Variants in ACTR3B observed in about 807,000 individuals in gnomAD.
ACTR3B encodes actin related protein 3B, also known as actin-related protein 3B.
Under a neutral mutation model 59.0 loss-of-function variants are expected in ACTR3B, and 8 were observed. That is an observed-to-expected ratio of 0.14 (90% CI 0.08 to 0.24). The LOEUF (loss-of-function observed/expected upper bound fraction) is 0.24, where lower values mean the gene tolerates loss of function less well. ACTR3B is among the 10% of genes least tolerant of loss of function. ACTR3B has a pLI of 1.00. For missense variants in ACTR3B, 245 were observed against 552.3 expected, an observed-to-expected ratio of 0.44 and a Z score of 5.58; for synonymous variants, 148 against 197.9, an observed-to-expected ratio of 0.75 and a Z score of 2.12.
intron 4 of ACTR3B, among the ~76,000 whole-genome samples, chr7:152,806,125 GAAA>G (rs1421974875): frequency 6.6e-6 from 1 of 152,060 alleles, no homozygotes. Flanking sequence ...CTTAAAGAGA[GAAA>G]AAAACCCAGA....
intron 1 of ACTR3B, among the ~76,000 whole-genome samples, chr7:152,763,042 G>A (rs2098094887): frequency 6.6e-6 from 1 of 152,186 alleles, no homozygotes; most frequent in South Asian, 2.1e-4. Flanking sequence ...TTGGCTGGGC[G>A]CGGTGGCTCA....
At chr7:152,760,074 C>G (rs918191217) in intron 1 of ACTR3B, 148 bp downstream of exon 1, 4 of 623,916 alleles carry the variant, frequency 6.4e-6, no homozygotes, top group South Asian at 1.4e-4. Context: ...GCCGCCGCTT[C>G]CCTCCAAGCC....
At chr7:152,787,323 A>G (rs968317353) in intron 2 of ACTR3B, among the ~76,000 whole-genome samples, 2 of 152,182 alleles carry the variant, frequency 1.3e-5, no homozygotes, top group African/African-American at 4.8e-5. Context: ...CCATTTTTCT[A>G]TTGCATTTTT....
chr7:152,792,379 CTTCTT>C (rs1333549167), intron 2 of ACTR3B, among the ~76,000 whole-genome samples: 4 of 151,966 alleles, frequency 2.6e-5, no homozygotes, highest in Non-Finnish European at 5.9e-5. Context: ...ACTCAAATTC[CTTCTT>C]TTATCATTTC....
At position 152,820,410 on chromosome 7, in the gene ACTR3B, G is replaced by C. The variant is rs781547923; in HGVS notation, c.652G>C (p.Glu218Gln). 1.2e-6 allele frequency: 2 copies of C among 1,605,006 alleles called. No homozygotes were observed. The highest frequency in any genetic ancestry group is 1.7e-6 in the Non-Finnish European group (2 of 1,174,362). ...GGAGAGGGAGGTGGGAATCCCTCCT[G>C]AGCAGTCACTGGAGACCGCAAAAGC... The part of the protein sequence containing the change: ...LREREVGIPP[E>Q]QSLETAKAIK... Residue 218 changes from glutamate (E) to glutamine (Q), a missense_variant, in exon 7 of 12, where the codon GAG (glutamate) becomes CAG (glutamine). Glu to Gln is a conservative substitution (Grantham distance 29). This residue lies in a region of ACTR3B where 12 missense variants were observed against 68.7 expected (regional missense o/e 0.17). Transcript: ENST00000256001.
chr7:152,852,360 A>C, intron 10 of ACTR3B, 109 bp downstream of exon 10: 2 of 1,360,524 alleles, frequency 1.5e-6, no homozygotes, highest in South Asian at 3.1e-5. Context: ...TAAAATAAAA[A>C]CAAGTGTTCA....
intron 1 of ACTR3B, among the ~76,000 whole-genome samples, chr7:152,778,882 G>A (rs1314586642): frequency 7.5e-6 from 1 of 134,126 alleles, no homozygotes; most frequent in Non-Finnish European, 1.5e-5. Flanking sequence ...GGTTGAGGCT[G>A]CAGTGAGCCG....
At chr7:152,828,888 G>A (rs1018936274) in intron 9 of ACTR3B, among the ~76,000 whole-genome samples, 7 of 152,104 alleles carry the variant, frequency 4.6e-5, no homozygotes, top group African/African-American at 1.4e-4. Flanking sequence ...AGAAGAGGTC[G>A]TCTCTCTCCC....
chr7:152,799,014 T>G (rs2098226270), intron 2 of ACTR3B, among the ~76,000 whole-genome samples: 1 of 152,216 alleles, frequency 6.6e-6, no homozygotes, highest in African/African-American at 2.4e-5. Context: ...GATTATTTTT[T>G]CTGTTTCTGT....
At position 152,854,703 on chromosome 7, in the gene ACTR3B, C is replaced by A; in HGVS notation, c.*150C>A. The A allele has an allele frequency of 1.4e-6, 1 of 737,236 alleles. No individual in the cohort carries two copies. Among genetic ancestry groups the A allele is most frequent in the Non-Finnish European group, 2.2e-6 (1 of 449,230 alleles). The allele number at this position is 737,236 out of a possible 1,614,324, so 45.7% of individuals were successfully genotyped here. ...GCCGGTGCATGAGGCGCGGCGCGGG[C>A]CCTTCAGTAAAAGCCATTTATCCGT... On this transcript the variant is annotated 3_prime_UTR_variant, in exon 12 of 12. Transcript: ENST00000256001. This position sits in a 1 kb window ranked among gnomAD's most constrained non-coding sequence, Gnocchi z 4.9.
intron 9 of ACTR3B, among the ~76,000 whole-genome samples, chr7:152,840,591 C>T (rs1797803258): frequency 1.4e-5 from 2 of 146,344 alleles, no homozygotes; most frequent in South Asian, 4.5e-4. Flanking sequence ...AACGCCCTGT[C>T]AGGAAAACGG....
intron 4 of ACTR3B, chr7:152,811,000 A>G (rs1458554946): frequency 2.0e-5 from 3 of 152,088 alleles, no homozygotes; most frequent in South Asian, 2.1e-4. Flanking sequence ...TCACTTAACA[A>G]TTCATCATAG....
intron 9 of ACTR3B, among the ~76,000 whole-genome samples, chr7:152,851,545 C>T (rs114837787): frequency 0.017 from 2,573 of 152,324 alleles, 64 homozygotes; most frequent in African/African-American, 0.056. Flanking sequence ...GGGTTCTGGG[C>T]AGGCGGAGCG....
intron 2 of ACTR3B, among the ~76,000 whole-genome samples, chr7:152,797,075 T>A (rs533927877): frequency 1.3e-4 from 20 of 152,082 alleles, no homozygotes; most frequent in South Asian, 8.3e-4. Context: ...AAAATTTTTT[T>A]AATTAAAAAC....
At chr7:152,786,972 C>CT (rs2098176865) in intron 2 of ACTR3B, among the ~76,000 whole-genome samples, 1 of 152,162 alleles carries the variant, frequency 6.6e-6, no homozygotes, top group South Asian at 2.1e-4. Flanking sequence ...TCACAGTTCT[C>CT]TGTTATATAA....
intron 1 of ACTR3B, among the ~76,000 whole-genome samples, chr7:152,775,449 G>A (rs1258971660): frequency 6.6e-6 from 1 of 151,950 alleles, no homozygotes; most frequent in Admixed American, 6.6e-5. Flanking sequence ...AAGAGTCTTC[G>A]TGCAAGGACT....
At chr7:152,766,473 T>A (rs1426299991) in intron 1 of ACTR3B, among the ~76,000 whole-genome samples, 2 of 152,136 alleles carry the variant, frequency 1.3e-5, no homozygotes, top group Non-Finnish European at 2.9e-5. Flanking sequence ...ACTTTTAGCA[T>A]TTAGGGAATG....
At chr7:152,763,789 T>G (rs2098098770) in intron 1 of ACTR3B, among the ~76,000 whole-genome samples, 1 of 151,882 alleles carries the variant, frequency 6.6e-6, no homozygotes, top group African/African-American at 2.4e-5. Context: ...TTTTGAACTC[T>G]ATTATTCTGT....
chr7:152,804,795 A>G (rs2098247400), intron 4 of ACTR3B, among the ~76,000 whole-genome samples: 1 of 152,240 alleles, frequency 6.6e-6, no homozygotes, highest in African/African-American at 2.4e-5. Context: ...TTAGGAGTAC[A>G]GTATGGTGTG....
Sources: gnomAD v4.1 joint callset for allele counts (sites outside exome capture counted in the v4.1 genomes callset) on GRCh38, gnomAD v4.1.1 for gene constraint, gnomAD v4.1.1 regional missense constraint, Gnocchi (gnomAD v3.1) non-coding constraint, MANE v1.5 for transcripts, NCBI Gene and HGNC (gene_info 2026-07-23, HGNC 2026-07-21) for gene names.